IQGAP2: variants seen among roughly 807,000 people sequenced by gnomAD.
IQGAP2 encodes the protein IQ motif containing GTPase activating protein 2.
In IQGAP2, 173 loss-of-function variants were observed where a neutral mutation model predicts 201.3. The observed-to-expected ratio is 0.86, with a 90% confidence interval of 0.76 to 0.98. IQGAP2 has a LOEUF of 0.98. IQGAP2 is among the 50% of genes least tolerant of loss of function. IQGAP2 has a pLI of 0.00. For missense variants in IQGAP2, 1,687 were observed against 1,864.8 expected, an observed-to-expected ratio of 0.90 and a Z score of 1.76; for synonymous variants, 675 against 673.9, an observed-to-expected ratio of 1.00 and a Z score of -0.03.
intron 2 of IQGAP2, among the ~76,000 whole-genome samples, chr5:76,533,928 T>G (rs1005647123): frequency 6.6e-6 from 1 of 152,246 alleles, no homozygotes; most frequent in African/African-American, 2.4e-5. Flanking sequence ...AGCAAATATT[T>G]TCTCCCAGCT....
intron 17 of IQGAP2, among the ~76,000 whole-genome samples, chr5:76,651,655 CTG>C (rs1752523186): frequency 6.6e-6 from 1 of 152,022 alleles, no homozygotes; most frequent in Admixed American, 6.6e-5. Flanking sequence ...TTGGGGGAAG[CTG>C]TGTAAAGGGG....
At chr5:76,609,106 T>G (rs1748046068) in intron 12 of IQGAP2, 1 of 1,535,716 alleles carries the variant, frequency 6.5e-7, no homozygotes, top group African/African-American at 1.4e-5. Context: ...GCAGCTTGTA[T>G]TCTTAGAAAC....
chr5:76,536,065 C>T (rs370425973), intron 2 of IQGAP2, among the ~76,000 whole-genome samples: 26 of 123,706 alleles, frequency 2.1e-4, no homozygotes, highest in Middle Eastern at 4.9e-3. Context: ...GGAGCATATT[C>T]TTTTTTTTTT....
intron 23 of IQGAP2, among the ~76,000 whole-genome samples, chr5:76,670,382 C>T (rs1012183737): frequency 2.6e-5 from 4 of 152,046 alleles, no homozygotes; most frequent in Non-Finnish European, 5.9e-5. Context: ...GACATGGTGG[C>T]GGGCGCCTGT....
At chr5:76,621,595 C>T (rs997148505) in intron 13 of IQGAP2, among the ~76,000 whole-genome samples, 1 of 152,124 alleles carries the variant, frequency 6.6e-6, no homozygotes, top group Non-Finnish European at 1.5e-5. Flanking sequence ...AGTGTTTGTC[C>T]GTTTTCAGAA....
intron 9 of IQGAP2, 40 bp from the exon 10 acceptor site, chr5:76,597,399 A>G (rs774158695): frequency 6.2e-7 from 1 of 1,607,562 alleles, no homozygotes; most frequent in Non-Finnish European, 8.5e-7. Flanking sequence ...TGCAGTGGAA[A>G]GAGCAACCAT....
At chr5:76,480,104 G>C (rs1191445617) in intron 2 of IQGAP2, among the ~76,000 whole-genome samples, 1 of 152,140 alleles carries the variant, frequency 6.6e-6, no homozygotes, top group Non-Finnish European at 1.5e-5. Context: ...TGTTTGTGTA[G>C]GTGGGGGCTG....
At chr5:76,662,109 C>T (rs1425428849) in intron 21 of IQGAP2, among the ~76,000 whole-genome samples, 1 of 152,204 alleles carries the variant, frequency 6.6e-6, no homozygotes, top group Non-Finnish European at 1.5e-5. Context: ...CTTCAAGCTT[C>T]CCAAAGCAAA....
At chr5:76,484,462 C>G (rs908183853) in intron 2 of IQGAP2, among the ~76,000 whole-genome samples, 6 of 152,042 alleles carry the variant, frequency 3.9e-5, no homozygotes, top group African/African-American at 1.4e-4. Context: ...GGGTGTTCCC[C>G]CATCATGTTT....
At chr5:76,408,090 G>A (rs1215138594) in intron 1 of IQGAP2, among the ~76,000 whole-genome samples, 1 of 152,090 alleles carries the variant, frequency 6.6e-6, no homozygotes. Flanking sequence ...GAACCCGGGA[G>A]GCAGAGGTTG....
At position 76,597,600 on chromosome 5, in the gene IQGAP2, A is replaced by C; in HGVS notation, c.1069A>C (p.Met357Leu). The C allele has an allele frequency of 6.2e-7, 1 of 1,613,838 alleles. No individual in the cohort carries two copies. Residue 357 changes from methionine to leucine, a missense_variant and splice_region_variant, in exon 10 of 36, where the codon ATG becomes CTG. By Grantham distance (15) the Met-to-Leu change is conservative (BLOSUM62 2). Coordinates refer to ENST00000274364, the MANE Select transcript of IQGAP2 (RefSeq NM_006633.5). The part of the protein sequence containing the change: ...ELFNLQKQNT[M>L]NYLAHEELLI... ...TTTCAACCTCCAGAAACAGAACACC[A>C]TGGTAAGTCAGAGGAGACCCCAGCT...
At chr5:76,453,567 G>A (rs1467132017) in intron 1 of IQGAP2, among the ~76,000 whole-genome samples, 2 of 152,160 alleles carry the variant, frequency 1.3e-5, no homozygotes, top group African/African-American at 4.8e-5. Context: ...TTTACTATTT[G>A]GGGTGGTTTT....
intron 2 of IQGAP2, among the ~76,000 whole-genome samples, chr5:76,553,691 T>C (rs1743716698): frequency 6.6e-6 from 1 of 152,178 alleles, no homozygotes. Context: ...TCTCCCCTTC[T>C]GCCACAAGTA....
At chr5:76,547,540 A>T (rs1281696290) in intron 2 of IQGAP2, 1 of 370,436 alleles carries the variant, frequency 2.7e-6, no homozygotes, top group African/African-American at 2.2e-5. Flanking sequence ...AAGAACAGTG[A>T]TTATTTTGTG....
At chr5:76,513,106 G>T (rs533696381) in intron 2 of IQGAP2, among the ~76,000 whole-genome samples, 13 of 151,670 alleles carry the variant, frequency 8.6e-5, no homozygotes, top group Non-Finnish European at 1.8e-4. Context: ...TTGCACTTTC[G>T]TGGCCTTGGC....
chr5:76,581,381 ACAG>A (rs1561481873), intron 5 of IQGAP2, among the ~76,000 whole-genome samples: 1 of 152,246 alleles, frequency 6.6e-6, no homozygotes, highest in Non-Finnish European at 1.5e-5. Context: ...AGCTCAAAGG[ACAG>A]GCTCTAATCC....
intron 1 of IQGAP2, among the ~76,000 whole-genome samples, chr5:76,438,941 GT>G (rs58447910): frequency 0.095 from 14,362 of 151,896 alleles, 1,751 homozygotes; most frequent in African/African-American, 0.29. Flanking sequence ...TTTTAGCTTT[GT>G]GTTTGTTCGT....
chr5:76,701,084 G>A lies in IQGAP2; in HGVS notation c.4376G>A (p.Arg1459Gln), dbSNP rs34592828. 57,459 of 1,613,824 alleles carry A rather than the reference G, an allele frequency of 0.036. 1,191 individuals carry two copies. Among genetic ancestry groups the A allele is most frequent in the Non-Finnish European group, 0.042 (49,814 of 1,179,762 alleles). The stretch of plus-strand genomic sequence containing the variant: ...TGTTCTTATTTTGTCAGAAATACTC[G>A]GAGATCAATTAAACTAGATGGAAAA... ...CLDNLKRKNT[R>Q]RSIKLDGKGE... The change falls in exon 34 of 36, where the codon CGG (arginine) becomes CAG (glutamine). Residue 1459 changes from arginine (R) to glutamine (Q), a missense_variant. Arg to Gln is a conservative substitution (Grantham distance 43, BLOSUM62 1). Transcript: ENST00000274364.
intron 2 of IQGAP2, among the ~76,000 whole-genome samples, chr5:76,470,704 C>T (rs1329428581): frequency 6.6e-6 from 1 of 152,148 alleles, no homozygotes; most frequent in Non-Finnish European, 1.5e-5. Context: ...TGCTACCATG[C>T]CTGGCAACTC....
Sources: gnomAD v4.1 joint callset for allele counts (sites outside exome capture counted in the v4.1 genomes callset) on GRCh38, gnomAD v4.1.1 for gene constraint, MANE v1.5 for transcripts, NCBI Gene and HGNC (gene_info 2026-07-23, HGNC 2026-07-21) for gene names.